The following SEC14L1 variants were observed in gnomAD, a reference collection of about 807,000 sequenced individuals.
SEC14L1 encodes SEC14-like protein 1.
A neutral mutation model predicts 85.3 loss-of-function variants in SEC14L1; 48 were observed. The ratio of observed to expected loss-of-function variants is 0.56; its 90% CI spans 0.45 to 0.72. The LOEUF (loss-of-function observed/expected upper bound fraction) is 0.72. SEC14L1 is among the 30% of genes least tolerant of loss of function. The probability of loss-of-function intolerance (pLI) is 0.00; values close to 1 mark genes in which losing one functional copy is unlikely to be tolerated. For synonymous variants in SEC14L1, 391 were observed against 355.5 expected (o/e 1.10, Z -1.12); for missense variants, 682 against 921.4 (o/e 0.74, Z 3.36).
chr17:77,123,034 G>T (rs150052222), intron 3 of SEC14L1, among the ~76,000 whole-genome samples: 2,534 of 151,056 alleles, frequency 0.017, 79 homozygotes, highest in African/African-American at 0.059. Context: ...CTCCTTTTTT[G>T]TTGTTTTGTT....
chr17:77,096,252 G>A (rs1971639913), intron 3 of SEC14L1, among the ~76,000 whole-genome samples: 1 of 151,658 alleles, frequency 6.6e-6, no homozygotes, highest in African/African-American at 2.4e-5. Context: ...TTAAGAAGTT[G>A]TATTTAAGGT....
chr17:77,196,816 T>C (rs3785447), intron 8 of SEC14L1, among the ~76,000 whole-genome samples: 24,466 of 152,238 alleles, frequency 0.16, 2,381 homozygotes, highest in Middle Eastern at 0.22. Flanking sequence ...TCTCTAATTC[T>C]GTCAGCCTGC....
Position 77,196,208 on chromosome 17 carries a change from TA to T in SEC14L1, c.717del (p.Asp240MetfsTer12). ...EPVVGTPDDK[L>X]DADYIKRYLG... ...AATGTCACTTACATTCCAGACAAAC[TA>T]GATGCCGACTACATCAAGAGATACC... On this transcript the variant is annotated frameshift_variant, in exon 8 of 17. Transcript: ENST00000436233. LOFTEE classifies it high-confidence loss of function. The T allele has an allele frequency of 6.2e-7, 1 of 1,612,992 alleles. No individual in the cohort carries two copies. Among genetic ancestry groups the T allele is most frequent in the Non-Finnish European group, 8.5e-7 (1 of 1,179,048 alleles).
rs1975728997 is a variant in SEC14L1, at chr17:77,194,911, G to A, written c.709G>A (p.Asp237Asn). The A allele has an allele frequency of 2.5e-6, 4 of 1,610,332 alleles. No individual in the cohort carries two copies. The highest frequency in any genetic ancestry group is 1.3e-5 in the African/African-American group (1 of 74,854). Reference protein sequence around the residue: ...APEPVVGTPDDKLDADYIKRY... With the variant: ...APEPVVGTPDNKLDADYIKRY... ...TGAGCCCGTGGTGGGCACCCCTGAC[G>A]GTGGGTCTGGCAGGGGCTTCATCCC... Residue 237 changes from aspartate (D) to asparagine (N), a missense_variant and splice_region_variant, in exon 7 of 17, where the codon GAC becomes AAC. By Grantham distance (23) the Asp-to-Asn change is conservative (BLOSUM62 1). Transcript: ENST00000436233.
chr17:77,216,393 G>A lies in SEC14L1; in HGVS notation c.*2370G>A. 2 of 893,610 alleles carry A rather than the reference G, an allele frequency of 2.2e-6. No homozygotes were observed. Among genetic ancestry groups the A allele is most frequent in the Non-Finnish European group, 3.1e-6 (2 of 636,394 alleles). 55.4% of individuals were successfully genotyped at this position (893,610 alleles called of 1,614,324 possible). A position where few individuals can be genotyped will look rare whatever the true frequency, so the allele number is the denominator to read the frequency against. ...CTAGTAGGTAGGGCTAGTAGGTAGGGCTAGTAGGTAGGGTTCGTAGGTAGG... is the reference window on the plus strand; with the variant it reads ...CTAGTAGGTAGGGCTAGTAGGTAGGACTAGTAGGTAGGGTTCGTAGGTAGG... On this transcript the variant is annotated 3_prime_UTR_variant, in exon 17 of 17. Coordinates refer to ENST00000436233, the MANE Select transcript of SEC14L1 (RefSeq NM_001143998.2).
chr17:77,181,695 C>T (rs976155935), intron 3 of SEC14L1, among the ~76,000 whole-genome samples: 5 of 152,178 alleles, frequency 3.3e-5, no homozygotes, highest in African/African-American at 1.2e-4. Flanking sequence ...GGGTTACAGG[C>T]GTGAGCCACC....
At chr17:77,110,242 C>A (rs1297881025) in intron 3 of SEC14L1, among the ~76,000 whole-genome samples, 2 of 152,158 alleles carry the variant, frequency 1.3e-5, no homozygotes, top group African/African-American at 2.4e-5. Flanking sequence ...GAAACGCATT[C>A]TTGGTTGCAG....
intron 3 of SEC14L1, among the ~76,000 whole-genome samples, chr17:77,152,867 C>T (rs1376620622): frequency 6.6e-6 from 1 of 152,166 alleles, no homozygotes; most frequent in Admixed American, 6.5e-5. Context: ...TCTTGGGTCT[C>T]CTTTATTCTC....
intron 13 of SEC14L1, among the ~76,000 whole-genome samples, chr17:77,207,440 A>G (rs1056026239): frequency 1.3e-5 from 2 of 150,980 alleles, no homozygotes; most frequent in Non-Finnish European, 2.9e-5. Flanking sequence ...CCCAGACTGG[A>G]TGACATTTTT....
intron 13 of SEC14L1, among the ~76,000 whole-genome samples, chr17:77,208,725 C>A (rs1976591762): frequency 6.6e-6 from 1 of 152,226 alleles, no homozygotes; most frequent in African/African-American, 2.4e-5. Flanking sequence ...TATGTAGTTG[C>A]TTCCCAAGGC....
intron 3 of SEC14L1, chr17:77,185,503 C>A (rs1274434499): frequency 4.8e-6 from 2 of 417,584 alleles, no homozygotes; most frequent in Non-Finnish European, 6.4e-6. Flanking sequence ...CTTATGCTGA[C>A]CACTCTTGTT....
At chr17:77,138,112 C>CG (rs1972849118), upstream of SEC14L1, among the ~76,000 whole-genome samples, 1 of 151,206 alleles carries the variant, frequency 6.6e-6, no homozygotes, top group Non-Finnish European at 1.5e-5. Context: ...AGTTCCTGGG[C>CG]GGGGGCCACA....
chr17:77,135,103 C>T (rs534470148), intron 3 of SEC14L1, among the ~76,000 whole-genome samples: 5 of 152,268 alleles, frequency 3.3e-5, no homozygotes, highest in South Asian at 2.1e-4. Flanking sequence ...TCTTATTTCT[C>T]GTTCTGTTAC....
chr17:77,208,378 C>T (rs1332725187), intron 13 of SEC14L1, among the ~76,000 whole-genome samples: 1 of 152,170 alleles, frequency 6.6e-6, no homozygotes, highest in Non-Finnish European at 1.5e-5. Flanking sequence ...CGTGTTGTTG[C>T]TGCTTCCAAT....
chr17:77,113,165 C>CA (rs1252948578), intron 3 of SEC14L1, among the ~76,000 whole-genome samples: 34 of 150,774 alleles, frequency 2.3e-4, no homozygotes, highest in Admixed American at 1.2e-3. Flanking sequence ...TCTCGAAAAA[C>CA]AAAAAAAAGA....
intron 4 of SEC14L1, 23 bp downstream of exon 4, chr17:77,190,975 T>C: frequency 1.2e-6 from 2 of 1,612,026 alleles, no homozygotes; most frequent in Non-Finnish European, 1.7e-6. Flanking sequence ...AAGGACGTCT[T>C]GGAGGGAAAG....
upstream of SEC14L1, among the ~76,000 whole-genome samples, chr17:77,135,974 G>A (rs1972784922): frequency 6.6e-6 from 1 of 151,922 alleles, no homozygotes; most frequent in Non-Finnish European, 1.5e-5. Flanking sequence ...CCGGGTTCAT[G>A]CCATTCTCCT....
intron 13 of SEC14L1, among the ~76,000 whole-genome samples, chr17:77,208,368 C>T (rs185134101): frequency 1.3e-5 from 2 of 152,288 alleles, no homozygotes; most frequent in Admixed American, 6.5e-5. Context: ...CTAGCCATCC[C>T]GTGTTGTTGC....
intron 3 of SEC14L1, among the ~76,000 whole-genome samples, chr17:77,171,635 A>C (rs1248422761): frequency 6.6e-6 from 1 of 152,188 alleles, no homozygotes; most frequent in African/African-American, 2.4e-5. Context: ...GGTGTGGACC[A>C]CTCCAAAAGC....
Sources: allele counts gnomAD v4.1 joint callset (sites outside exome capture counted in the v4.1 genomes callset), GRCh38; gene constraint gnomAD v4.1.1; transcripts MANE v1.5; gene names NCBI Gene and HGNC (gene_info 2026-07-23, HGNC 2026-07-21).